The following CUTC variants were observed in gnomAD, a reference collection of about 807,000 sequenced individuals.
CUTC encodes copper homeostasis protein cutC homolog.
A neutral mutation model predicts 36.2 loss-of-function variants in CUTC; 27 were observed. The observed-to-expected ratio is 0.75, with a 90% CI of 0.55 to 1.03. The LOEUF (loss-of-function observed/expected upper bound fraction) is 1.03. CUTC is among the 50% of genes least tolerant of loss of function. The pLI, the probability that CUTC is intolerant of heterozygous loss-of-function variation, is 0.00. For synonymous variants in CUTC, 114 were observed against 118.3 expected (o/e 0.96, Z 0.24); for missense variants, 315 against 343.5 (o/e 0.92, Z 0.66).
chr10:99,736,968 C>T (rs61870400), intron 2 of CUTC, among the ~76,000 whole-genome samples: 146,628 of 152,088 alleles, frequency 0.96, 70,896 homozygotes, highest in East Asian at 1. Context: ...ATTTTTAAAT[C>T]TTTTGAAAAT....
chr10:99,747,275 A>G lies in CUTC; in HGVS notation c.458A>G (p.Asp153Gly), dbSNP rs1292975290. 3 of 1,613,918 alleles carry G rather than the reference A, an allele frequency of 1.9e-6. No homozygotes were observed. Among genetic ancestry groups the G allele is most frequent in the Non-Finnish European group, 2.5e-6 (3 of 1,179,992 alleles). Residue 153 changes from aspartate (D) to glycine (G), a missense_variant, in exon 6 of 9, where the codon GAT becomes GGT. Physicochemically the swap from Asp to Gly is moderately conservative, Grantham distance 94. Transcript: ENST00000370476. Reference protein sequence around the residue: ...TFHRAFDMVHDPMAALETLLT... With the variant: ...TFHRAFDMVHGPMAALETLLT... The stretch of plus-strand genomic sequence containing the variant: ...ATTTCAGCCTTTGACATGGTTCATG[A>G]TCCAATGGCAGCTCTGGAGACCCTC...
chr10:99,744,045 C>T lies in CUTC; in HGVS notation c.412C>T (p.Arg138Cys), dbSNP rs753780691. ...TGACTTTCTTTTTATAGCTATTTGC[C>T]GCCCTCTGCCAGTCACTTTCCACCG... ...ELCMSLMAIC[R>C]PLPVTFHRAF... The change falls in exon 5 of 9, where the codon CGC becomes TGC. Residue 138 changes from arginine (R) to cysteine (C), a missense_variant. Arg to Cys is a radical substitution (Grantham distance 180, BLOSUM62 -3). Transcript: ENST00000370476. 13 of 1,611,950 alleles carry T rather than the reference C, an allele frequency of 8.1e-6. No homozygotes were observed. Among genetic ancestry groups the T allele is most frequent in the East Asian group, 4.5e-5 (2 of 44,838 alleles).
intron 8 of CUTC, 149 bp from the exon 9 acceptor site, chr10:99,755,476 C>A: frequency 5.3e-6 from 3 of 561,632 alleles, no homozygotes; most frequent in Non-Finnish European, 9.6e-6. Flanking sequence ...CTGGATGTTT[C>A]AAGTAATTAA....
chr10:99,752,891 T>G (rs936222307), intron 7 of CUTC, among the ~76,000 whole-genome samples: 1 of 152,204 alleles, frequency 6.6e-6, no homozygotes, highest in Non-Finnish European at 1.5e-5. Flanking sequence ...TAAACACAAA[T>G]GTATTACAAT....
intron 1 of CUTC, among the ~76,000 whole-genome samples, chr10:99,735,707 C>T (rs1252816164): frequency 6.6e-6 from 1 of 152,134 alleles, no homozygotes; most frequent in Non-Finnish European, 1.5e-5. Flanking sequence ...CACACCCGGC[C>T]AGATAACTAA....
chr10:99,752,609 A>T (rs1201938228), intron 7 of CUTC, among the ~76,000 whole-genome samples: 2 of 152,202 alleles, frequency 1.3e-5, no homozygotes, highest in Non-Finnish European at 2.9e-5. Flanking sequence ...AATTGTTGAC[A>T]TTAAGAGTAC....
intron 7 of CUTC, among the ~76,000 whole-genome samples, chr10:99,751,063 A>C (rs1590122424): frequency 6.6e-6 from 1 of 152,340 alleles, no homozygotes; most frequent in Non-Finnish European, 1.5e-5. Flanking sequence ...AAAATAGCAT[A>C]ATGAATACTC....
At chr10:99,738,720 A>G (rs1284434899) in intron 2 of CUTC, among the ~76,000 whole-genome samples, 1 of 152,198 alleles carries the variant, frequency 6.6e-6, no homozygotes, top group Non-Finnish European at 1.5e-5. Flanking sequence ...ATTTATTTAT[A>G]GATAACATTA....
intron 1 of CUTC, among the ~76,000 whole-genome samples, chr10:99,734,064 A>ATTT (rs565604340): frequency 8.7e-5 from 9 of 103,340 alleles, no homozygotes; most frequent in African/African-American, 3.3e-4. Flanking sequence ...GACTGATAGT[A>ATTT]TTTTTTTTTT....
chr10:99,742,322 G>A (rs1015784295), intron 3 of CUTC, among the ~76,000 whole-genome samples: 5 of 152,060 alleles, frequency 3.3e-5, no homozygotes, highest in African/African-American at 1.2e-4. Flanking sequence ...CTACTCTGAG[G>A]TTGATAATAG....
chr10:99,744,718 A>G (rs1839472513), intron 5 of CUTC, among the ~76,000 whole-genome samples: 2 of 152,218 alleles, frequency 1.3e-5, no homozygotes, highest in Non-Finnish European at 2.9e-5. Flanking sequence ...TTTCTTGTAA[A>G]GAAATATTTC....
At chr10:99,752,880 A>G (rs933984986) in intron 7 of CUTC, among the ~76,000 whole-genome samples, 7 of 152,250 alleles carry the variant, frequency 4.6e-5, no homozygotes, top group Admixed American at 4.6e-4. Flanking sequence ...GAATAGACTT[A>G]TAAACACAAA....
chr10:99,733,290 CAG>C (rs1280996889), intron 1 of CUTC, among the ~76,000 whole-genome samples: 1 of 151,952 alleles, frequency 6.6e-6, no homozygotes, highest in African/African-American at 2.4e-5. Flanking sequence ...CCCTGGGCGA[CAG>C]AGCGAGACTC....
At position 99,747,402 on chromosome 10, in the gene CUTC, T is replaced by C; in HGVS notation, c.573+12T>C. On this transcript the variant is annotated intron_variant, in intron 6 of 8. Transcript: ENST00000370476. The stretch of plus-strand genomic sequence containing the variant: ...GACTCATTGAGCAGGTACGTGGACT[T>C]TATCTTTTTTTCCCCTAAGACTCTG... 1 of 1,613,860 alleles carries C rather than the reference T, an allele frequency of 6.2e-7. No individual in the cohort carries two copies. The highest frequency in any genetic ancestry group is 1.1e-5 in the South Asian group (1 of 91,040).
chr10:99,736,428 T>C (rs997650039), intron 2 of CUTC, 111 bp downstream of exon 2: 6 of 752,854 alleles, frequency 8.0e-6, no homozygotes, highest in Non-Finnish European at 1.3e-5. Flanking sequence ...TCCCTCATAA[T>C]GCTTTCAGAA....
In CUTC at chr10:99,736,207, G is replaced by T. The variant is rs371030815; in HGVS notation, c.62-39G>T. ...TGTGGTAAATTGGTCTGGATGGATA[G>T]AACCTTTATGAACTCTTACCATTCT... On this transcript the variant is annotated intron_variant, in intron 1 of 8. Coordinates refer to ENST00000370476, the MANE Select transcript of CUTC (RefSeq NM_015960.3). 3.9e-5 allele frequency: 62 copies of T among 1,570,408 alleles called. No homozygotes were observed. The African/African-American group carries it at 7.7e-4, about 20-fold the overall frequency.
At chr10:99,746,234 A>C (rs911074056) in intron 5 of CUTC, among the ~76,000 whole-genome samples, 1 of 152,222 alleles carries the variant, frequency 6.6e-6, no homozygotes, top group Admixed American at 6.5e-5. Context: ...GCTGGAGACC[A>C]TTATCCTTAG....
intron 2 of CUTC, among the ~76,000 whole-genome samples, chr10:99,738,864 C>G (rs1454228306): frequency 6.6e-6 from 1 of 151,972 alleles, no homozygotes; most frequent in Non-Finnish European, 1.5e-5. Flanking sequence ...CAGCTTTTCA[C>G]CTAATAAATT....
At chr10:99,752,178 G>T (rs1215296464) in intron 7 of CUTC, among the ~76,000 whole-genome samples, 2 of 152,020 alleles carry the variant, frequency 1.3e-5, no homozygotes, top group African/African-American at 4.8e-5. Flanking sequence ...TTTAAAAAGA[G>T]GCCGTGAACC....
Sources: allele counts gnomAD v4.1 joint callset (sites outside exome capture counted in the v4.1 genomes callset), GRCh38; gene constraint gnomAD v4.1.1; transcripts MANE v1.5; gene names NCBI Gene and HGNC (gene_info 2026-07-23, HGNC 2026-07-21).